EPHB1: variants seen among roughly 807,000 people sequenced by gnomAD.
EPHB1 encodes the protein ephrin type-B receptor 1.
Under a neutral mutation model 94.4 loss-of-function variants are expected in EPHB1, and 30 were observed. That is an observed-to-expected ratio of 0.32 (90% CI 0.24 to 0.43). EPHB1 has a LOEUF of 0.43. Ranked by LOEUF, EPHB1 falls within the 20% of genes least tolerant of loss-of-function variation. The pLI is 1.00. For synonymous variants in EPHB1, 522 were observed against 489.1 expected (o/e 1.07, Z -0.89); for missense variants, 1,055 against 1,308.3 (o/e 0.81, Z 2.99).
intron 1 of EPHB1, among the ~76,000 whole-genome samples, chr3:134,809,762 T>A (rs1309862773): frequency 6.6e-6 from 1 of 152,188 alleles, no homozygotes; most frequent in Non-Finnish European, 1.5e-5. Context: ...GCATGCAGAC[T>A]TCTGAGCAAC....
chr3:135,089,740 C>T (rs977157138), intron 3 of EPHB1, among the ~76,000 whole-genome samples: 2 of 152,198 alleles, frequency 1.3e-5, no homozygotes, highest in African/African-American at 2.4e-5. Context: ...GCTCTGGGTT[C>T]GTGTCCTGCT....
chr3:135,258,309 T>C (rs1264552559), intron 15 of EPHB1, among the ~76,000 whole-genome samples: 1 of 152,202 alleles, frequency 6.6e-6, no homozygotes, highest in African/African-American at 2.4e-5. Context: ...TCACATAGGT[T>C]TAAATGAGAT....
chr3:134,895,733 A>G (rs1344607284), intron 1 of EPHB1, among the ~76,000 whole-genome samples: 1 of 152,212 alleles, frequency 6.6e-6, no homozygotes, highest in Non-Finnish European at 1.5e-5. Flanking sequence ...TTAAATTTCT[A>G]TTCAAGTTTC....
intron 1 of EPHB1, among the ~76,000 whole-genome samples, chr3:134,853,293 C>A (rs2037031582): frequency 2.0e-5 from 3 of 152,186 alleles, no homozygotes; most frequent in African/African-American, 7.2e-5. Flanking sequence ...CCCTGGGTCA[C>A]CCAGAGAAAG....
At chr3:135,168,741 A>G (rs1194030693) in intron 9 of EPHB1, among the ~76,000 whole-genome samples, 1 of 152,154 alleles carries the variant, frequency 6.6e-6, no homozygotes, top group Non-Finnish European at 1.5e-5. Context: ...ATCATGAGCC[A>G]CTGTAAGGTC....
At chr3:135,212,622 G>T (rs939726700) in intron 12 of EPHB1, among the ~76,000 whole-genome samples, 1 of 152,258 alleles carries the variant, frequency 6.6e-6, no homozygotes. Context: ...TTGTTATCTT[G>T]TTTCTAGGGA....
At chr3:134,915,348 GAGAC>G (rs2038543475) in intron 1 of EPHB1, among the ~76,000 whole-genome samples, 2 of 152,168 alleles carry the variant, frequency 1.3e-5, no homozygotes, top group Admixed American at 1.3e-4. Flanking sequence ...CATAAAGGCA[GAGAC>G]AGACAGGGAG....
rs576331027 is a variant in EPHB1 at position 135,108,475 on chromosome 3, A to T, written c.961+1872A>T. Among the ~76,000 whole-genome samples, 99 of 152,208 alleles carry T rather than the reference A, an allele frequency of 6.5e-4. 4 individuals carry two copies. The South Asian group carries it at 0.019, about 29-fold the overall frequency. ...CATTTGTTTCTTTTATTTTTAATCT[A>T]CTGGGAGACCCAGGGACCCCTCCAC... is the stretch of plus-strand genomic sequence containing the variant. On this transcript the variant is annotated intron_variant, in intron 4 of 15. Coordinates refer to ENST00000398015, the MANE Select transcript of EPHB1 (RefSeq NM_004441.5).
At chr3:134,838,486 C>G (rs1293564509) in intron 1 of EPHB1, among the ~76,000 whole-genome samples, 3 of 152,186 alleles carry the variant, frequency 2.0e-5, no homozygotes, top group Non-Finnish European at 4.4e-5. Context: ...CCCACGGATT[C>G]TCCTAACAGT....
chr3:134,962,758 C>T (rs912632180), intron 3 of EPHB1, among the ~76,000 whole-genome samples: 1 of 152,064 alleles, frequency 6.6e-6, no homozygotes, highest in African/African-American at 2.4e-5. Flanking sequence ...ACCTCCATAG[C>T]CCCGCCTTCC....
chr3:134,829,904 C>A lies in EPHB1; in HGVS notation c.58+34215C>A, dbSNP rs548877361. ...GTGAGCCAAAGAACACCAAAGATTGCCAGCAAACCATCAGAAGCTAGAAGA... is the reference window on the plus strand; with the variant it reads ...GTGAGCCAAAGAACACCAAAGATTGACAGCAAACCATCAGAAGCTAGAAGA... On this transcript the variant is annotated intron_variant, in intron 1 of 15. Coordinates refer to ENST00000398015, the MANE Select transcript of EPHB1 (RefSeq NM_004441.5). 1.1e-4 allele frequency among the ~76,000 whole-genome samples: 17 copies of A among 152,268 alleles called. 2 individuals are homozygous for A. The South Asian group carries it at 3.3e-3, about 30-fold the overall frequency.
At chr3:135,052,753 C>T (rs1198464984) in intron 3 of EPHB1, among the ~76,000 whole-genome samples, 2 of 142,148 alleles carry the variant, frequency 1.4e-5, no homozygotes, top group South Asian at 2.4e-4. Flanking sequence ...CCCAGCTACT[C>T]GGGAGGCTGA....
chr3:135,175,647 A>G (rs2107703243), intron 9 of EPHB1, among the ~76,000 whole-genome samples: 2 of 152,308 alleles, frequency 1.3e-5, no homozygotes, highest in South Asian at 4.1e-4. Flanking sequence ...TGATGACAAT[A>G]ATTGGAAACT....
intron 3 of EPHB1, among the ~76,000 whole-genome samples, chr3:135,027,242 C>G (rs1936218079): frequency 6.6e-6 from 1 of 152,088 alleles, no homozygotes; most frequent in Admixed American, 6.6e-5. Flanking sequence ...CCAGGACTTC[C>G]AGCACTATGT....
At chr3:135,188,620 C>G (rs1411069537) in intron 10 of EPHB1, among the ~76,000 whole-genome samples, 1 of 152,190 alleles carries the variant, frequency 6.6e-6, no homozygotes, top group Admixed American at 6.5e-5. Flanking sequence ...TTGGTCACTT[C>G]TTTTTATTAT....
chr3:134,835,803 C>T (rs1247872142), intron 1 of EPHB1, among the ~76,000 whole-genome samples: 4 of 152,114 alleles, frequency 2.6e-5, no homozygotes, highest in African/African-American at 9.7e-5. Flanking sequence ...TTCTGGGGCT[C>T]CAAGGGCTCC....
intron 3 of EPHB1, among the ~76,000 whole-genome samples, chr3:135,102,824 C>A (rs1478491650): frequency 6.6e-6 from 1 of 152,168 alleles, no homozygotes; most frequent in East Asian, 1.9e-4. Context: ...ATGCCCTTTG[C>A]AGGGACATGG....
intron 1 of EPHB1, among the ~76,000 whole-genome samples, chr3:134,889,776 C>T (rs1041100110): frequency 7.2e-5 from 11 of 151,886 alleles, no homozygotes; most frequent in Admixed American, 7.2e-4. Flanking sequence ...CTTCCGGGTT[C>T]ATGCCATTCT....
At chr3:135,185,664 A>T (rs1942307720) in intron 10 of EPHB1, among the ~76,000 whole-genome samples, 1 of 152,208 alleles carries the variant, frequency 6.6e-6, no homozygotes, top group Non-Finnish European at 1.5e-5. Context: ...ACCCAGCTAG[A>T]GCTGATCCAG....
Sources: gnomAD v4.1 joint callset for allele counts (sites outside exome capture counted in the v4.1 genomes callset) on GRCh38, gnomAD v4.1.1 for gene constraint, MANE v1.5 for transcripts, NCBI Gene and HGNC (gene_info 2026-07-23, HGNC 2026-07-21) for gene names.